NCKAP5: variants seen among roughly 807,000 people sequenced by gnomAD.
NCKAP5 encodes the protein nck-associated protein 5.
Under a neutral mutation model 167.0 loss-of-function variants are expected in NCKAP5, and 92 were observed. That is an observed-to-expected ratio of 0.55 (90% CI 0.47 to 0.66). The LOEUF (loss-of-function observed/expected upper bound fraction) is 0.66. Among genes scored for constraint, NCKAP5 ranks in the 30% least tolerant of loss-of-function variants. NCKAP5 has a pLI of 0.00. For missense variants in NCKAP5, 2,378 were observed against 2,315.0 expected, an observed-to-expected ratio of 1.03 and a Z score of -0.56; for synonymous variants, 891 against 877.4, an observed-to-expected ratio of 1.02 and a Z score of -0.27.
At chr2:133,322,128 G>T (rs1316700548) in intron 3 of NCKAP5, among the ~76,000 whole-genome samples, 1 of 152,062 alleles carries the variant, frequency 6.6e-6, no homozygotes, top group Non-Finnish European at 1.5e-5. Context: ...ATCTTATAAA[G>T]GTTTATTTAG....
chr2:132,916,422 T>A lies in NCKAP5; in HGVS notation c.580-37506A>T, dbSNP rs534443452. On this transcript the variant is annotated intron_variant, in intron 8 of 19. Transcript: ENST00000409261. ...TAAAGTGACAGCATAAAAACACACA[T>A]CATAAAGTGGAAAGGTTCCACTGTG... Among the ~76,000 whole-genome samples the A allele has an allele frequency of 2.6e-5, 4 of 151,920 alleles. No homozygotes were observed. The South Asian group carries it at 8.3e-4, about 32-fold the overall frequency.
rs576000631 is a variant in NCKAP5 at position 133,169,396 on chromosome 2, C to G, written c.208-39285G>C. 3.9e-5 allele frequency among the ~76,000 whole-genome samples: 6 copies of G among 152,272 alleles called. No individual in the cohort carries two copies. In the East Asian group the frequency reaches 1.2e-3, roughly 29 times the overall value. ...ACAGACAAAGCAGTGCATCTGTTTC[C>G]CTTTCAAGACAGCTCACCCAGGGGA... On this transcript the variant is annotated intron_variant, in intron 5 of 19. Coordinates refer to ENST00000409261, the MANE Select transcript of NCKAP5 (RefSeq NM_207363.3).
In NCKAP5 at chr2:132,920,769, A is replaced by ATG. The variant is rs1349323577; in HGVS notation, c.580-41855_580-41854dup. Among the ~76,000 whole-genome samples the ATG allele has an allele frequency of 4.9e-3, 156 of 31,932 alleles. 14 individuals carry two copies. The highest frequency in any genetic ancestry group is 0.014 in the East Asian group (9 of 630). 20.9% of individuals were successfully genotyped at this position (31,932 alleles called of 152,430 possible). ...TGTATATATATATGTATATATATGT[A>ATG]TGTATATATATATATATATATATAT... On this transcript the variant is annotated intron_variant, in intron 8 of 19. Transcript: ENST00000409261.
At chr2:133,129,241 C>T (rs2082511330) in intron 6 of NCKAP5, among the ~76,000 whole-genome samples, 2 of 151,920 alleles carry the variant, frequency 1.3e-5, no homozygotes, top group South Asian at 4.2e-4. Context: ...GTTATCCCTC[C>T]CCGCTCCCCC....
At chr2:133,603,313 G>A in the NCKAP5 span, among the ~76,000 whole-genome samples, 2 of 147,886 alleles carry the variant, frequency 1.4e-5, no homozygotes, top group Admixed American at 6.9e-5. Context: ...TGCAACCTCT[G>A]CCTCCCGGGT....
At chr2:133,424,545 G>A (rs1331236113) in intron 3 of NCKAP5, among the ~76,000 whole-genome samples, 1 of 152,198 alleles carries the variant, frequency 6.6e-6, no homozygotes, top group Non-Finnish European at 1.5e-5. Context: ...TAAAAATTGT[G>A]ATGTGAAAAA....
At chr2:132,767,278 C>G (rs1214660907) in intron 16 of NCKAP5, among the ~76,000 whole-genome samples, 5 of 151,922 alleles carry the variant, frequency 3.3e-5, no homozygotes, top group African/African-American at 1.2e-4. Context: ...CAGAGCTTTG[C>G]TCTTGTTGCC....
At chr2:132,937,463 T>TA (rs1463282804) in intron 8 of NCKAP5, among the ~76,000 whole-genome samples, 1 of 152,234 alleles carries the variant, frequency 6.6e-6, no homozygotes, top group Non-Finnish European at 1.5e-5. Flanking sequence ...TGAAGAGTCT[T>TA]ACTTTTGTAA....
intron 3 of NCKAP5, among the ~76,000 whole-genome samples, chr2:133,330,196 A>G (rs1437187313): frequency 7.0e-6 from 1 of 143,130 alleles, no homozygotes; most frequent in Non-Finnish European, 1.5e-5. Context: ...CCTCCTGAAT[A>G]TGGGTTTACA....
intron 3 of NCKAP5, among the ~76,000 whole-genome samples, chr2:133,449,525 G>T (rs552386142): frequency 3.9e-5 from 6 of 152,264 alleles, no homozygotes; most frequent in Admixed American, 3.9e-4. Context: ...TCTGAAATTC[G>T]AAATAGTTGG....
At chr2:133,223,318 G>C (rs1018645267) in intron 4 of NCKAP5, among the ~76,000 whole-genome samples, 6 of 152,074 alleles carry the variant, frequency 3.9e-5, no homozygotes, top group African/African-American at 1.2e-4. Context: ...ATAAGAGCCC[G>C]GTGGCGATCT....
chr2:133,560,713 C>G (rs1688095018), intron 1 of NCKAP5, among the ~76,000 whole-genome samples: 1 of 152,186 alleles, frequency 6.6e-6, no homozygotes, highest in Non-Finnish European at 1.5e-5. Flanking sequence ...GACACGCTCT[C>G]AGCTCTCGGA....
chr2:132,984,593 T>C (rs988814405), intron 7 of NCKAP5, among the ~76,000 whole-genome samples: 2 of 152,142 alleles, frequency 1.3e-5, no homozygotes, highest in Admixed American at 6.5e-5. Flanking sequence ...ACAAAATCAA[T>C]AAGGACAATA....
At chr2:133,533,667 A>G (rs1685535383) in intron 2 of NCKAP5, among the ~76,000 whole-genome samples, 1 of 152,206 alleles carries the variant, frequency 6.6e-6, no homozygotes, top group Non-Finnish European at 1.5e-5. Context: ...CTTTTACATG[A>G]AGTCAAAATG....
At chr2:132,808,711 G>A (rs1434166787) in intron 11 of NCKAP5, among the ~76,000 whole-genome samples, 3 of 151,980 alleles carry the variant, frequency 2.0e-5, no homozygotes, top group African/African-American at 7.2e-5. Flanking sequence ...CAATGAACCA[G>A]TTTTTTGTTT....
chr2:132,996,297 CAT>C (rs1394801461), intron 6 of NCKAP5, among the ~76,000 whole-genome samples: 6 of 152,186 alleles, frequency 3.9e-5, no homozygotes, highest in Non-Finnish European at 8.8e-5. Context: ...TCTTTATACA[CAT>C]GTGTATTTCT....
intron 5 of NCKAP5, 23 bp from the exon 6 acceptor site, chr2:133,130,134 G>T: frequency 6.3e-7 from 1 of 1,590,396 alleles, no homozygotes; most frequent in South Asian, 1.2e-5. Context: ...CAAAGGGGAT[G>T]ACTTTTAGGA....
chr2:132,920,970 G>A lies in NCKAP5; in HGVS notation c.580-42054C>T, dbSNP rs952680408. On this transcript the variant is annotated intron_variant, in intron 8 of 19. Transcript: ENST00000409261. ...TCCCTTGTGGCATTTAGGCCTTAAT[G>A]TATGGCACTACAGTTAAGTATCATC... 5.3e-5 allele frequency among the ~76,000 whole-genome samples: 8 copies of A among 150,644 alleles called. No homozygotes were observed. In the East Asian group the frequency reaches 1.4e-3, roughly 26 times the overall value.
At chr2:133,010,557 A>C (rs2149359897) in intron 6 of NCKAP5, among the ~76,000 whole-genome samples, 1 of 152,314 alleles carries the variant, frequency 6.6e-6, no homozygotes, top group East Asian at 1.9e-4. Flanking sequence ...TTGGGTGCTC[A>C]GGTTTCCTTT....
Sources: allele counts gnomAD v4.1 joint callset (sites outside exome capture counted in the v4.1 genomes callset), GRCh38; gene constraint gnomAD v4.1.1; transcripts MANE v1.5; gene names NCBI Gene and HGNC (gene_info 2026-07-23, HGNC 2026-07-21).